THRB: variants seen among roughly 807,000 people sequenced by gnomAD.
THRB encodes the protein thyroid hormone receptor beta, also known as nuclear receptor subfamily 1 group A member 2.
In THRB, 12 loss-of-function variants were observed where a neutral mutation model predicts 47.8. The ratio of observed to expected loss-of-function variants is 0.25; its 90% CI spans 0.16 to 0.41. The LOEUF (loss-of-function observed/expected upper bound fraction) is 0.41. THRB is among the 10% of genes least tolerant of loss of function. THRB has a pLI of 1.00. For missense variants in THRB, 348 were observed against 589.2 expected, an observed-to-expected ratio of 0.59 and a Z score of 4.24; for synonymous variants, 218 against 212.2, an observed-to-expected ratio of 1.03 and a Z score of -0.24.
chr3:24,357,407 A>C (rs2063767471), intron 1 of THRB, among the ~76,000 whole-genome samples: 2 of 149,878 alleles, frequency 1.3e-5, no homozygotes, highest in African/African-American at 2.4e-5. Flanking sequence ...ACACCAAAAA[A>C]CTCTTACCAT....
intron 2 of THRB, among the ~76,000 whole-genome samples, chr3:24,313,211 A>G (rs915473107): frequency 5.9e-5 from 9 of 152,184 alleles, no homozygotes; most frequent in African/African-American, 2.2e-4. Flanking sequence ...CATCAGGTCC[A>G]GTCTCCAACC....
intron 3 of THRB, among the ~76,000 whole-genome samples, chr3:24,264,354 TA>T (rs1014043192): frequency 6.6e-6 from 1 of 152,212 alleles, no homozygotes; most frequent in Non-Finnish European, 1.5e-5. Context: ...CCTTGGTGCT[TA>T]AAAAAATAAC....
At chr3:24,360,772 ACAT>A (rs1458406311) in intron 1 of THRB, among the ~76,000 whole-genome samples, 1 of 152,162 alleles carries the variant, frequency 6.6e-6, no homozygotes, top group African/African-American at 2.4e-5. Flanking sequence ...ATTTTTATAC[ACAT>A]CATATGTCCC....
At chr3:24,152,940 C>T (rs12107818) in intron 5 of THRB, among the ~76,000 whole-genome samples, 4,890 of 144,446 alleles carry the variant, frequency 0.034, 126 homozygotes, top group South Asian at 0.079. Flanking sequence ...CCAGCCTGGG[C>T]GACAAGAGCG....
chr3:24,178,538 C>G (rs142790313), intron 5 of THRB, among the ~76,000 whole-genome samples: 138 of 152,194 alleles, frequency 9.1e-4, no homozygotes, highest in African/African-American at 3.3e-3. Context: ...AAGGGACATT[C>G]CAAAATAATA....
At chr3:24,389,410 T>C (rs1001216138) in intron 1 of THRB, among the ~76,000 whole-genome samples, 1 of 152,170 alleles carries the variant, frequency 6.6e-6, no homozygotes, top group Non-Finnish European at 1.5e-5. Context: ...TTATAAACTA[T>C]TGTTAGACAG....
At chr3:24,244,262 C>G (rs2049884484) in intron 3 of THRB, among the ~76,000 whole-genome samples, 1 of 152,154 alleles carries the variant, frequency 6.6e-6, no homozygotes, top group Non-Finnish European at 1.5e-5. Context: ...TAAATTACAT[C>G]TCAATAAAAC....
At chr3:24,294,428 T>C (rs1262790728) in intron 3 of THRB, among the ~76,000 whole-genome samples, 1 of 152,184 alleles carries the variant, frequency 6.6e-6, no homozygotes, top group Non-Finnish European at 1.5e-5. Flanking sequence ...TCACCCAACC[T>C]CCCTTAATGC....
chr3:24,442,365 T>A (rs1275230793), intron 1 of THRB, among the ~76,000 whole-genome samples: 3 of 152,132 alleles, frequency 2.0e-5, no homozygotes, highest in African/African-American at 7.2e-5. Flanking sequence ...AGGTTGTTAG[T>A]GGTGGAGCTG....
chr3:24,207,447 C>G (rs1322633918), intron 4 of THRB, among the ~76,000 whole-genome samples: 1 of 152,098 alleles, frequency 6.6e-6, no homozygotes, highest in Non-Finnish European at 1.5e-5. Flanking sequence ...ATTCAACAGC[C>G]CTTCATGCTA....
At chr3:24,438,966 G>A (rs1009818562) in intron 1 of THRB, among the ~76,000 whole-genome samples, 2 of 152,130 alleles carry the variant, frequency 1.3e-5, no homozygotes, top group Non-Finnish European at 2.9e-5. Flanking sequence ...GAGGGAGTAA[G>A]GGAAGCAAGG....
chr3:24,270,094 A>C (rs1339162823), intron 3 of THRB, among the ~76,000 whole-genome samples: 7 of 152,204 alleles, frequency 4.6e-5, no homozygotes, highest in Non-Finnish European at 1.0e-4. Flanking sequence ...TTATATTTTG[A>C]AAACATAAAA....
At chr3:24,220,133 G>C (rs995150425) in intron 4 of THRB, among the ~76,000 whole-genome samples, 1 of 152,114 alleles carries the variant, frequency 6.6e-6, no homozygotes, top group African/African-American at 2.4e-5. Context: ...GCTGAGTCTT[G>C]GGCCCCCACC....
intron 1 of THRB, among the ~76,000 whole-genome samples, chr3:24,381,073 T>A (rs2065673211): frequency 6.9e-6 from 1 of 145,144 alleles, no homozygotes; most frequent in African/African-American, 2.6e-5. Flanking sequence ...CGAGATCACG[T>A]CACTGCATTC....
chr3:24,379,476 G>A (rs2065535245), intron 1 of THRB, among the ~76,000 whole-genome samples: 1 of 152,094 alleles, frequency 6.6e-6, no homozygotes, highest in Admixed American at 6.5e-5. Context: ...AAGTAGAAAA[G>A]TTTTTGAGCT....
At chr3:24,191,636 G>A (rs1040310663) in intron 4 of THRB, among the ~76,000 whole-genome samples, 13 of 152,130 alleles carry the variant, frequency 8.5e-5, no homozygotes, top group Non-Finnish European at 1.6e-4. Flanking sequence ...GCACCCTCTC[G>A]AAAGCTACCA....
intron 4 of THRB, among the ~76,000 whole-genome samples, chr3:24,193,069 G>T (rs2043541345): frequency 6.6e-6 from 1 of 152,124 alleles, no homozygotes; most frequent in Admixed American, 6.6e-5. Context: ...CCATGACACT[G>T]GGGTCCTTGA....
At chr3:24,336,541 T>G (rs2062264190) in intron 2 of THRB, among the ~76,000 whole-genome samples, 1 of 152,180 alleles carries the variant, frequency 6.6e-6, no homozygotes, top group South Asian at 2.1e-4. Flanking sequence ...GTTGTTATAA[T>G]AATGAAAACA....
At chr3:24,466,534 A>T (rs1308734500) in intron 1 of THRB, among the ~76,000 whole-genome samples, 1 of 152,050 alleles carries the variant, frequency 6.6e-6, no homozygotes, top group Non-Finnish European at 1.5e-5. Flanking sequence ...CATTTATCTA[A>T]TTCTTGTTTA....
Sources: gnomAD v4.1 joint callset for allele counts (sites outside exome capture counted in the v4.1 genomes callset) on GRCh38, gnomAD v4.1.1 for gene constraint, MANE v1.5 for transcripts, NCBI Gene and HGNC (gene_info 2026-07-23, HGNC 2026-07-21) for gene names.